RAI1: variants seen among roughly 807,000 people sequenced by gnomAD.
RAI1 encodes the protein retinoic acid-induced protein 1.
Under a neutral mutation model 123.8 loss-of-function variants are expected in RAI1, and 9 were observed. The ratio of observed to expected loss-of-function variants is 0.07; its 90% CI spans 0.04 to 0.13. The LOEUF is 0.13. RAI1 is among the 10% of genes least tolerant of loss of function. The pLI, the probability that RAI1 is intolerant of heterozygous loss-of-function variation, is 1.00. For synonymous variants in RAI1, 1,231 were observed against 1,127.3 expected, an observed-to-expected ratio of 1.09 and a Z score of -1.84; for missense variants, 2,256 against 2,545.8, an observed-to-expected ratio of 0.89 and a Z score of 2.45.
intron 2 of RAI1, among the ~76,000 whole-genome samples, chr17:17,764,055 C>T (rs550380761): frequency 2.1e-4 from 32 of 152,332 alleles, no homozygotes; most frequent in South Asian, 1.7e-3. Context: ...GGCCATCCTC[C>T]GGACATCTTT....
intron 1 of RAI1, among the ~76,000 whole-genome samples, chr17:17,690,123 G>T (rs1429351281): frequency 6.6e-6 from 1 of 152,158 alleles, no homozygotes; most frequent in Non-Finnish European, 1.5e-5. Context: ...CGTGGCTCAC[G>T]CCTGCAATCC....
In RAI1 at chr17:17,798,743, G is replaced by A. The variant is rs116447131; in HGVS notation, c.5565+230G>A. The stretch of plus-strand genomic sequence containing the variant: ...ACCCTGTCCCAGGAGACTTCCCGCC[G>A]GGGCCCGTATGCCCAGCCACCGCCA... On this transcript the variant is annotated intron_variant, in intron 3 of 5. Transcript: ENST00000353383. 0.016 allele frequency among the ~76,000 whole-genome samples: 2,368 copies of A among 152,196 alleles called. 66 individuals are homozygous for A. The highest frequency in any genetic ancestry group is 0.054 in the African/African-American group (2,227 of 41,508).
chr17:17,734,404 A>C (rs1189144310), intron 2 of RAI1, among the ~76,000 whole-genome samples: 1 of 152,102 alleles, frequency 6.6e-6, no homozygotes, highest in Non-Finnish European at 1.5e-5. Flanking sequence ...AGATTGTACC[A>C]CTGCACTCCA....
chr17:17,787,519 C>G (rs1371167792), intron 2 of RAI1, among the ~76,000 whole-genome samples: 1 of 152,238 alleles, frequency 6.6e-6, no homozygotes, highest in Non-Finnish European at 1.5e-5. Context: ...TAGGTGAGCT[C>G]CTCCCGGCAG....
intron 2 of RAI1, among the ~76,000 whole-genome samples, chr17:17,754,005 T>C (rs1026687043): frequency 2.0e-5 from 3 of 152,126 alleles, no homozygotes; most frequent in Non-Finnish European, 4.4e-5. Context: ...AGGGGAGACC[T>C]ATTTGGGGAA....
At position 17,799,838 on chromosome 17, in the gene RAI1, C is replaced by T. The variant is rs529083067; in HGVS notation, c.5565+1325C>T. ...CTCCTCGCAGTACACCCCTGCAGCC[C>T]CTCTGAGCAGCCCCTGCTCCTGACA... On this transcript the variant is annotated intron_variant, in intron 3 of 5. Coordinates refer to ENST00000353383, the MANE Select transcript of RAI1 (RefSeq NM_030665.4). This position sits in a 1 kb window ranked among gnomAD's most constrained non-coding sequence, Gnocchi z 4.5. Among the ~76,000 whole-genome samples, 80 of 152,296 alleles carry T rather than the reference C, an allele frequency of 5.3e-4. No individual in the cohort carries two copies. The highest frequency in any genetic ancestry group is 1.9e-3 in the African/African-American group (78 of 41,568).
In RAI1 at chr17:17,794,098, G is replaced by T. The variant is rs377731841; in HGVS notation, c.1150G>T (p.Ala384Ser). 1 of 1,613,870 alleles carries T rather than the reference G, an allele frequency of 6.2e-7. No individual in the cohort carries two copies. The highest frequency in any genetic ancestry group is 8.5e-7 in the Non-Finnish European group (1 of 1,180,038). Residue 384 changes from alanine to serine, a missense_variant, in exon 3 of 6, where the codon GCA becomes TCA. Physicochemically the swap from Ala to Ser is moderately conservative, Grantham distance 99 (BLOSUM62 1). Transcript: ENST00000353383. The part of the protein sequence containing the change: ...QQPLSTGAFP[A>S]GITDHSHFMP... ...GCCGCTCAGCACCGGGGCCTTCCCC[G>T]CAGGGATCACTGACCACAGCCACTT... is the stretch of plus-strand genomic sequence containing the variant.
intron 2 of RAI1, among the ~76,000 whole-genome samples, chr17:17,782,819 G>C (rs944828996): frequency 1.3e-5 from 2 of 152,176 alleles, no homozygotes; most frequent in South Asian, 4.1e-4. Flanking sequence ...GGCGCCAAGA[G>C]GGCAGCACGG....
At chr17:17,756,891 C>T (rs143281614) in intron 2 of RAI1, among the ~76,000 whole-genome samples, 50 of 152,316 alleles carry the variant, frequency 3.3e-4, no homozygotes, top group African/African-American at 1.1e-3. Context: ...TGTGCTTGCC[C>T]GGTGGGAACG....
intron 2 of RAI1, among the ~76,000 whole-genome samples, chr17:17,753,702 A>G (rs1350199085): frequency 6.6e-6 from 1 of 152,160 alleles, no homozygotes; most frequent in African/African-American, 2.4e-5. Flanking sequence ...CTTTTATTCA[A>G]ACTGCCTGTG....
rs1172943568 is a variant in RAI1 at position 17,794,532 on chromosome 17, C to T, written c.1584C>T (p.Ser528=). 1.9e-6 allele frequency: 3 copies of T among 1,612,876 alleles called. No homozygotes were observed. The highest frequency in any genetic ancestry group is 2.2e-5 in the South Asian group (2 of 91,086). Residue 528 remains serine, a synonymous_variant, in exon 3 of 6, where the codon AGC becomes AGT. Transcript: ENST00000353383. ...LSGSEDPLER[S]FLYCNQARGS... ...GCTCCGAGGACCCACTGGAGCGCAG[C>T]TTCCTCTACTGCAACCAGGCCCGTG...
At chr17:17,776,599 T>G (rs1567894490) in intron 2 of RAI1, 1 of 150,934 alleles carries the variant, frequency 6.6e-6, no homozygotes, top group Non-Finnish European at 1.5e-5. Context: ...CAAGTGATCA[T>G]CCCACCTTGG....
At chr17:17,773,521 T>C (rs1277232968) in intron 2 of RAI1, among the ~76,000 whole-genome samples, 1 of 152,198 alleles carries the variant, frequency 6.6e-6, no homozygotes, top group African/African-American at 2.4e-5. Flanking sequence ...GGAAATTCCC[T>C]TTGCCTCCTA....
chr17:17,709,615 C>T (rs1219067541), intron 1 of RAI1, among the ~76,000 whole-genome samples: 1 of 152,186 alleles, frequency 6.6e-6, no homozygotes, highest in East Asian at 1.9e-4. Context: ...TGGGTCTGCC[C>T]CCAGGCCCCT....
At chr17:17,698,430 C>T (rs1915106697) in intron 1 of RAI1, among the ~76,000 whole-genome samples, 1 of 152,206 alleles carries the variant, frequency 6.6e-6, no homozygotes, top group African/African-American at 2.4e-5. Flanking sequence ...CCAGCCCTGG[C>T]CCAGTAGTCA....
Position 17,793,068 on chromosome 17 carries a change from C to T in RAI1, c.120C>T (p.Cys40=), listed in dbSNP as rs777826104. ...YRQPSQAGLS[C]DRQRLLAKDY... is the part of the protein sequence containing the mutation. ...AGCCGAGTCAGGCCGGGCTAAGCTG[C>T]GACCGGCAGCGGCTGCTCGCCAAGG... The change falls in exon 3 of 6, where the codon TGC becomes TGT. Residue 40 remains cysteine, a synonymous_variant. Coordinates refer to ENST00000353383, the MANE Select transcript of RAI1 (RefSeq NM_030665.4). The T allele has an allele frequency of 2.1e-5, 34 of 1,614,074 alleles. No individual in the cohort carries two copies. The South Asian group carries it at 3.5e-4, about 17-fold the overall frequency.
At chr17:17,756,153 T>G (rs894605420) in intron 2 of RAI1, among the ~76,000 whole-genome samples, 2 of 151,938 alleles carry the variant, frequency 1.3e-5, no homozygotes, top group African/African-American at 4.8e-5. Context: ...GCATCCATCA[T>G]GGGACCTGGC....
At chr17:17,768,056 G>A (rs536408992) in intron 2 of RAI1, among the ~76,000 whole-genome samples, 1 of 152,334 alleles carries the variant, frequency 6.6e-6, no homozygotes, top group South Asian at 2.1e-4. Flanking sequence ...TATAATAAGT[G>A]CTCAGTAAAG....
intron 2 of RAI1, among the ~76,000 whole-genome samples, chr17:17,756,318 C>T (rs1448622083): frequency 6.6e-6 from 1 of 152,086 alleles, no homozygotes; most frequent in Non-Finnish European, 1.5e-5. Context: ...CTGCCTCAGC[C>T]TCCCAGGTTG....
Sources: gnomAD v4.1 joint callset for allele counts (sites outside exome capture counted in the v4.1 genomes callset) on GRCh38, gnomAD v4.1.1 for gene constraint, Gnocchi (gnomAD v3.1) non-coding constraint, MANE v1.5 for transcripts, NCBI Gene and HGNC (gene_info 2026-07-23, HGNC 2026-07-21) for gene names.